The following EEIG1 variants were observed in gnomAD, a reference collection of about 807,000 sequenced individuals.
The protein encoded by EEIG1 is early estrogen-induced gene 1 protein.
At chr9:127,945,340 C>T in the EEIG1 span, 4 of 1,544,364 alleles carry the variant, frequency 2.6e-6, no homozygotes, top group African/African-American at 4.1e-5. The surrounding 1 kb of genome is among the most constrained non-coding windows in gnomAD (Gnocchi z 6.5). Flanking sequence ...GTCTGTTCTC[C>T]AGGGGGCACC....
At chr9:127,945,887 A>G in the EEIG1 span, 3 of 651,322 alleles carry the variant, frequency 4.6e-6, no homozygotes, top group African/African-American at 5.4e-5. This position sits in a 1 kb window ranked among gnomAD's most constrained non-coding sequence, Gnocchi z 6.5. Flanking sequence ...ACAGGTTCAG[A>G]GGAGCAGCAA....
At chr9:127,960,412 C>T in the EEIG1 span, among the ~76,000 whole-genome samples, 24 of 152,262 alleles carry the variant, frequency 1.6e-4, no homozygotes, top group Admixed American at 7.8e-4. Context: ...ATTCTGACAG[C>T]GGCTCTGTCT....
the EEIG1 span, among the ~76,000 whole-genome samples, chr9:127,972,953 T>C: frequency 6.6e-6 from 1 of 152,070 alleles, no homozygotes; most frequent in Non-Finnish European, 1.5e-5. The surrounding 1 kb of genome is among the most constrained non-coding windows in gnomAD (Gnocchi z 4.3). Context: ...GGCTGACAGG[T>C]CCCAGGGCAT....
At chr9:127,969,580 C>A in the EEIG1 span, among the ~76,000 whole-genome samples, 1 of 152,260 alleles carries the variant, frequency 6.6e-6, no homozygotes, top group South Asian at 2.1e-4. Flanking sequence ...GAAAGCAAAG[C>A]TCGGGGAGAT....
chr9:127,950,126 C>T, the EEIG1 span, among the ~76,000 whole-genome samples: 1 of 152,198 alleles, frequency 6.6e-6, no homozygotes, highest in Non-Finnish European at 1.5e-5. Context: ...GTCAGGGGAC[C>T]ACAAGAGAAG....
the EEIG1 span, chr9:127,944,511 G>T: frequency 1.2e-6 from 1 of 802,940 alleles, no homozygotes; most frequent in Non-Finnish European, 2.1e-6. Context: ...TCACACTGTG[G>T]CGACAAGATT....
chr9:127,980,418 G>A, the EEIG1 span: 1 of 263,876 alleles, frequency 3.8e-6, no homozygotes, highest in African/African-American at 2.2e-5. Flanking sequence ...GGCCCAGGAG[G>A]CAGAGGCAGG....
chr9:127,979,378 A>G, the EEIG1 span, among the ~76,000 whole-genome samples: 1 of 152,328 alleles, frequency 6.6e-6, no homozygotes, highest in South Asian at 2.1e-4. Flanking sequence ...ACCTGCCAGG[A>G]TGGGGACGAA....
At chr9:127,969,101 A>G in the EEIG1 span, among the ~76,000 whole-genome samples, 1 of 152,236 alleles carries the variant, frequency 6.6e-6, no homozygotes, top group South Asian at 2.1e-4. Context: ...GCTACACCCC[A>G]AGGTCAGGCC....
At chr9:127,966,397 C>T in the EEIG1 span, among the ~76,000 whole-genome samples, 2 of 150,422 alleles carry the variant, frequency 1.3e-5, no homozygotes, top group African/African-American at 4.9e-5. Flanking sequence ...TGCTTGAGCC[C>T]GGGAGTTCAA....
the EEIG1 span, among the ~76,000 whole-genome samples, chr9:127,961,214 GGCCCACACT>G: frequency 3.7e-4 from 57 of 152,154 alleles, no homozygotes; most frequent in Non-Finnish European, 7.2e-4. Flanking sequence ...GCTGCCTCAG[GGCCCACACT>G]GCCTCCCCCT....
the EEIG1 span, among the ~76,000 whole-genome samples, chr9:127,955,860 G>C: frequency 2.0e-5 from 3 of 152,356 alleles, no homozygotes; most frequent in East Asian, 5.8e-4. Flanking sequence ...GGTCAAGAGG[G>C]CAGGCAGACC....
the EEIG1 span, among the ~76,000 whole-genome samples, chr9:127,967,635 C>A: frequency 1.3e-5 from 2 of 152,214 alleles, no homozygotes; most frequent in African/African-American, 4.8e-5. Flanking sequence ...TGGCTCTGCT[C>A]GGGGGACTTC....
chr9:127,974,252 G>A, the EEIG1 span, among the ~76,000 whole-genome samples: 2 of 152,098 alleles, frequency 1.3e-5, no homozygotes, highest in Non-Finnish European at 2.9e-5. Context: ...CTGGGTGCAG[G>A]TCAGGCCCCT....
At chr9:127,940,745 T>G in the EEIG1 span, 1 of 149,062 alleles carries the variant, frequency 6.7e-6, no homozygotes, top group Non-Finnish European at 1.5e-5. Flanking sequence ...AGGAGGGGAG[T>G]CAAAGAAAAA....
the EEIG1 span, among the ~76,000 whole-genome samples, chr9:127,969,057 T>C: frequency 1.3e-5 from 2 of 152,202 alleles, no homozygotes; most frequent in African/African-American, 4.8e-5. Context: ...GTATCCAAGA[T>C]GGGTGTGGCC....
At chr9:127,952,439 G>A in the EEIG1 span, among the ~76,000 whole-genome samples, 1 of 152,254 alleles carries the variant, frequency 6.6e-6, no homozygotes, top group Non-Finnish European at 1.5e-5. Context: ...ATGGAGAAGA[G>A]GGATGGAAGG....
At chr9:127,945,407 G>A in the EEIG1 span, 7 of 1,582,004 alleles carry the variant, frequency 4.4e-6, no homozygotes, top group African/African-American at 1.3e-5. The surrounding 1 kb of genome is among the most constrained non-coding windows in gnomAD (Gnocchi z 6.5). Context: ...CGGGGTGGCC[G>A]CGGCGGCTTC....
At chr9:127,944,868 C>T in the EEIG1 span, 77 of 1,612,422 alleles carry the variant, frequency 4.8e-5, no homozygotes, top group Admixed American at 1.2e-3. Context: ...CCACCCAGGT[C>T]GGGTGGCTCT....
Sources: allele counts gnomAD v4.1 joint callset (sites outside exome capture counted in the v4.1 genomes callset), GRCh38; gene constraint gnomAD v4.1.1; non-coding constraint Gnocchi (gnomAD v3.1); transcripts MANE v1.5; gene names NCBI Gene and HGNC (gene_info 2026-07-23, HGNC 2026-07-21).